GALNT3: variants seen among roughly 807,000 people sequenced by gnomAD.
GALNT3 encodes the protein GalNAc transferase 3.
Under a neutral mutation model 69.8 loss-of-function variants are expected in GALNT3, and 51 were observed. That is an observed-to-expected ratio of 0.73 (90% CI 0.58 to 0.92). The LOEUF (loss-of-function observed/expected upper bound fraction) is 0.92. Ranked by LOEUF, GALNT3 falls within the 40% of genes least tolerant of loss-of-function variation. The pLI, the probability that GALNT3 is intolerant of heterozygous loss-of-function variation, is 0.00. For synonymous variants in GALNT3, 265 were observed against 248.5 expected (o/e 1.07, Z -0.63); for missense variants, 711 against 760.0 (o/e 0.94, Z 0.76).
rs763224582 is a variant in GALNT3 at position 165,754,982 on chromosome 2, T to C, written c.1474A>G (p.Ile492Val). The stretch of plus-strand genomic sequence containing the variant: ...TCTGGCACATACACCTCTGGATAAA[T>C]GTTGTTCAGATACCATGTAAAATTT... ...CKNFTWYLNN[I>V]YPEVYVPDLN... Residue 492 changes from isoleucine to valine, a missense_variant, in exon 8 of 11, where the codon ATT becomes GTT. Physicochemically the swap from Ile to Val is conservative, Grantham distance 29. Transcript: ENST00000392701. The C allele has an allele frequency of 2.9e-5, 46 of 1,612,910 alleles. No individual in the cohort carries two copies. Among genetic ancestry groups the C allele is most frequent in the Admixed American group, 2.2e-4 (13 of 60,000 alleles).
chr2:165,761,225 A>T (rs1046880273), intron 4 of GALNT3, among the ~76,000 whole-genome samples: 1 of 152,124 alleles, frequency 6.6e-6, no homozygotes, highest in Admixed American at 6.6e-5. Context: ...TCATTCATTC[A>T]TTTTGAAACG....
intron 2 of GALNT3, among the ~76,000 whole-genome samples, chr2:165,765,606 C>T (rs1313199590): frequency 6.6e-6 from 1 of 151,942 alleles, no homozygotes; most frequent in Non-Finnish European, 1.5e-5. Flanking sequence ...TCTCCTGCCT[C>T]AGCTCCCGAG....
intron 2 of GALNT3, among the ~76,000 whole-genome samples, chr2:165,765,298 A>C (rs1374964044): frequency 6.6e-6 from 1 of 152,192 alleles, no homozygotes; most frequent in Non-Finnish European, 1.5e-5. Context: ...AAGGATTACA[A>C]CATGTTATTA....
Position 165,770,434 on chromosome 2 carries a change from G to A in GALNT3, c.267C>T (p.Asn89=), listed in dbSNP as rs984528140. 5 of 1,614,096 alleles carry A rather than the reference G, an allele frequency of 3.1e-6. No homozygotes were observed. Among genetic ancestry groups the A allele is most frequent in the Non-Finnish European group, 4.2e-6 (5 of 1,180,046 alleles). The change falls in exon 2 of 11, where the codon AAC becomes AAT. Residue 89 remains asparagine (N), a synonymous_variant. Coordinates refer to ENST00000392701, the MANE Select transcript of GALNT3 (RefSeq NM_004482.4). ...KMQIGAPVRQ[N]IDAGERPCLQ... ...AACAAGGTCTCTCACCAGCATCAAT[G>A]TTTTGCCTGACAGGTGCTCCTATTT...
At chr2:165,758,959 C>G in intron 5 of GALNT3, 95 bp from the exon 6 acceptor site, 1 of 845,084 alleles carries the variant, frequency 1.2e-6, no homozygotes, top group Non-Finnish European at 2.0e-6. Flanking sequence ...AAAGCCATAT[C>G]ACATTTTCAA....
In GALNT3 at chr2:165,764,890, C is replaced by A; in HGVS notation, c.682G>T (p.Val228Leu). The change falls in exon 3 of 11, where the codon GTA (valine) becomes TTA (leucine). Residue 228 changes from valine to leucine, a missense_variant. Coordinates refer to ENST00000392701, the MANE Select transcript of GALNT3 (RefSeq NM_004482.4). ...KEIILVDDASVDEYLHDKLDE... is the reference protein window; with the variant it reads ...KEIILVDDASLDEYLHDKLDE... ...TTTGCATGTGCTTTCTTACCATCTA[C>A]ACTAGCATCATCCACCAAAATGATT... The A allele has an allele frequency of 6.2e-7, 1 of 1,614,156 alleles. No individual in the cohort carries two copies. Among genetic ancestry groups the A allele is most frequent in the Non-Finnish European group, 8.5e-7 (1 of 1,180,002 alleles).
At chr2:165,770,859 A>C (rs1428013065) in intron 1 of GALNT3, 51 bp from the exon 2 acceptor site, 1 of 693,208 alleles carries the variant, frequency 1.4e-6, no homozygotes, top group African/African-American at 1.8e-5. Flanking sequence ...TCCTACAGGC[A>C]TGGCTCAATT....
chr2:165,790,379 G>A (rs759691059), intron 1 of GALNT3, among the ~76,000 whole-genome samples: 5 of 152,132 alleles, frequency 3.3e-5, no homozygotes, highest in Non-Finnish European at 7.4e-5. Context: ...TTTGAATTCA[G>A]TTTTCCCCCT....
At chr2:165,790,295 G>T (rs1391705525) in intron 1 of GALNT3, among the ~76,000 whole-genome samples, 2 of 152,140 alleles carry the variant, frequency 1.3e-5, no homozygotes, top group Admixed American at 6.5e-5. Flanking sequence ...TAATGACCTA[G>T]AATTCAGAGT....
At chr2:165,780,719 C>T (rs557630897) in intron 1 of GALNT3, among the ~76,000 whole-genome samples, 1 of 151,642 alleles carries the variant, frequency 6.6e-6, no homozygotes, top group South Asian at 2.1e-4. Flanking sequence ...GCCAAGAAGC[C>T]ACAGGCATGA....
chr2:165,775,315 T>C (rs146554326), intron 1 of GALNT3, among the ~76,000 whole-genome samples: 209 of 152,258 alleles, frequency 1.4e-3, no homozygotes, highest in African/African-American at 4.7e-3. Flanking sequence ...TGGGTAATAT[T>C]TTACAAATAA....
At chr2:165,786,937 T>G (rs1035962665) in intron 1 of GALNT3, among the ~76,000 whole-genome samples, 2 of 152,204 alleles carry the variant, frequency 1.3e-5, no homozygotes, top group Non-Finnish European at 2.9e-5. Flanking sequence ...CAGTACTTAT[T>G]ATGAGAATAA....
In GALNT3 at chr2:165,761,613, C is replaced by T. The variant is rs1454858534; in HGVS notation, c.838+292G>A. 186 of 561,630 alleles carry T rather than the reference C, an allele frequency of 3.3e-4. No individual in the cohort carries two copies. The African/African-American group carries it at 4.4e-3, about 13-fold the overall frequency. The allele number at this position is 561,630 out of a possible 1,614,324, so 34.8% of individuals were successfully genotyped here. A position where few individuals can be genotyped will look rare whatever the true frequency, so the allele number is the denominator to read the frequency against. On this transcript the variant is annotated intron_variant, in intron 4 of 10. Transcript: ENST00000392701. Reference sequence around the variant, plus strand: ...ACTTTTTTTTTTAACAGAAAAGAAACATGGAAAAAAAAAAAAGAGGCAAGG... The same window carrying T: ...ACTTTTTTTTTTAACAGAAAAGAAATATGGAAAAAAAAAAAAGAGGCAAGG...
intron 9 of GALNT3, 22 bp from the exon 10 acceptor site, chr2:165,749,916 TA>T: frequency 6.2e-7 from 1 of 1,612,484 alleles, no homozygotes; most frequent in Admixed American, 1.7e-5. Context: ...ATAGCACTGT[TA>T]CTGACAAAAG....
chr2:165,761,005 G>T (rs116431462), intron 4 of GALNT3, among the ~76,000 whole-genome samples: 1,572 of 152,070 alleles, frequency 0.01, 29 homozygotes, highest in African/African-American at 0.036. Flanking sequence ...AAGAAGATGG[G>T]ATGGGGCACC....
chr2:165,766,402 A>C (rs1403443208), intron 2 of GALNT3, among the ~76,000 whole-genome samples: 1 of 152,156 alleles, frequency 6.6e-6, no homozygotes, highest in East Asian at 1.9e-4. Flanking sequence ...TTTGTATAGG[A>C]ATGTCTTTCC....
intron 1 of GALNT3, among the ~76,000 whole-genome samples, chr2:165,783,990 G>T (rs1377217456): frequency 6.6e-6 from 1 of 152,088 alleles, no homozygotes; most frequent in African/African-American, 2.4e-5. Context: ...TGAAATTCCT[G>T]CATTATCCAC....
intron 1 of GALNT3, among the ~76,000 whole-genome samples, chr2:165,773,711 G>C (rs933756228): frequency 2.6e-5 from 4 of 151,092 alleles, no homozygotes; most frequent in African/African-American, 9.7e-5. Context: ...AAAACAAAGA[G>C]GATAGAGAAA....
At chr2:165,759,010 C>G (rs1688495308) in intron 5 of GALNT3, 146 bp from the exon 6 acceptor site, 1 of 692,844 alleles carries the variant, frequency 1.4e-6, no homozygotes, top group African/African-American at 1.8e-5. Context: ...ATGCTATCTT[C>G]AAAGTCAAGA....
Sources: allele counts gnomAD v4.1 joint callset (sites outside exome capture counted in the v4.1 genomes callset), GRCh38; gene constraint gnomAD v4.1.1; transcripts MANE v1.5; gene names NCBI Gene and HGNC (gene_info 2026-07-23, HGNC 2026-07-21).